The following UBAC2 variants were observed in gnomAD, a reference collection of about 807,000 sequenced individuals.
The protein encoded by UBAC2 is UBA domain containing 2.
Under a neutral mutation model 44.0 loss-of-function variants are expected in UBAC2, and 26 were observed. The observed-to-expected ratio is 0.59, with a 90% CI of 0.43 to 0.82. The LOEUF is 0.82. UBAC2 is among the 40% of genes least tolerant of loss of function. The probability of loss-of-function intolerance (pLI) is 0.00; values close to 1 mark genes in which losing one functional copy is unlikely to be tolerated. For missense variants in UBAC2, 329 were observed against 419.4 expected (o/e 0.78, Z 1.88); for synonymous variants, 155 against 154.3 (o/e 1.00, Z -0.04).
At chr13:99,238,218 C>T (rs754514134) in intron 1 of UBAC2, among the ~76,000 whole-genome samples, 3 of 152,168 alleles carry the variant, frequency 2.0e-5, no homozygotes, top group Non-Finnish European at 2.9e-5. Flanking sequence ...TGAAGCCCTG[C>T]TAGGGCATTC....
rs77720066 is a variant in UBAC2 at position 99,350,941 on chromosome 13, C to A, written c.807+10376C>A. Among the ~76,000 whole-genome samples the A allele has an allele frequency of 1.9e-3, 289 of 152,198 alleles. 1 individual carries two copies. The highest frequency in any genetic ancestry group is 6.6e-3 in the African/African-American group (274 of 41,496). ...AGCACTGCTTGGGGTATGAAGCCCC[C>A]CAGCACATCTGGTGTCAGAATATTG... On this transcript the variant is annotated intron_variant, in intron 7 of 8. Coordinates refer to ENST00000403766, the MANE Select transcript of UBAC2 (RefSeq NM_001144072.2).
At chr13:99,201,510 A>G (rs1593984767) in intron 1 of UBAC2, 2 of 1,614,154 alleles carry the variant, frequency 1.2e-6, no homozygotes, top group Non-Finnish European at 1.7e-6. Flanking sequence ...GTGGCGAGGG[A>G]GCGCAGCTGT....
At chr13:99,300,186 A>ATCATTGAGCTCT (rs1297244098) in intron 4 of UBAC2, among the ~76,000 whole-genome samples, 1 of 152,228 alleles carries the variant, frequency 6.6e-6, no homozygotes, top group Admixed American at 6.5e-5. Flanking sequence ...GTGGCCACAC[A>ATCATTGAGCTCT]TCATTGAGCT....
chr13:99,213,656 G>A (rs977534937), intron 1 of UBAC2, among the ~76,000 whole-genome samples: 4 of 151,972 alleles, frequency 2.6e-5, no homozygotes, highest in Admixed American at 1.3e-4. Context: ...CACTGCACCC[G>A]GTCGATTATA....
At chr13:99,285,389 T>C (rs1242409934) in intron 4 of UBAC2, among the ~76,000 whole-genome samples, 1 of 151,650 alleles carries the variant, frequency 6.6e-6, no homozygotes, top group East Asian at 1.9e-4. Flanking sequence ...TTATTACCTT[T>C]CTTCTTTTTT....
At chr13:99,355,719 A>G (rs1022972289) in intron 7 of UBAC2, among the ~76,000 whole-genome samples, 2 of 152,260 alleles carry the variant, frequency 1.3e-5, no homozygotes, top group Non-Finnish European at 2.9e-5. Context: ...AACAAACGAG[A>G]GCCAGGACGC....
chr13:99,242,340 C>A (rs1314232668), intron 2 of UBAC2, among the ~76,000 whole-genome samples: 73 of 149,044 alleles, frequency 4.9e-4, no homozygotes, highest in Admixed American at 2.0e-4. Flanking sequence ...CTGACCCCCC[C>A]ACCTCCCTCC....
intron 4 of UBAC2, among the ~76,000 whole-genome samples, chr13:99,264,552 A>C (rs1351122152): frequency 1.3e-5 from 2 of 152,034 alleles, no homozygotes; most frequent in African/African-American, 4.8e-5. Context: ...CTGGGACTGG[A>C]TAGCTGTGCA....
chr13:99,332,376 T>C (rs1290191212), intron 6 of UBAC2, among the ~76,000 whole-genome samples: 1 of 152,220 alleles, frequency 6.6e-6, no homozygotes, highest in African/African-American at 2.4e-5. Flanking sequence ...ATTCCCTTCC[T>C]AAAAGGATGA....
intron 7 of UBAC2, among the ~76,000 whole-genome samples, chr13:99,352,767 G>A (rs561266974): frequency 3.8e-4 from 57 of 151,966 alleles, no homozygotes; most frequent in African/African-American, 1.3e-3. Context: ...AGTAGAAAGC[G>A]TCAGTTACAG....
chr13:99,328,026 C>T (rs551864052), intron 6 of UBAC2, among the ~76,000 whole-genome samples: 9 of 152,222 alleles, frequency 5.9e-5, no homozygotes, highest in Non-Finnish European at 1.0e-4. Flanking sequence ...AGCTGCCAGC[C>T]GCAGGTAACC....
chr13:99,295,589 T>G lies in UBAC2; in HGVS notation c.390-18508T>G, dbSNP rs760739327. 6.2e-7 allele frequency: 1 copy of G among 1,614,070 alleles called. No individual in the cohort carries two copies. Among genetic ancestry groups the G allele is most frequent in the South Asian group, 1.1e-5 (1 of 91,088 alleles). On this transcript the variant is annotated intron_variant, in intron 4 of 8. Coordinates refer to ENST00000403766, the MANE Select transcript of UBAC2 (RefSeq NM_001144072.2). This position sits in a 1 kb window ranked among gnomAD's most constrained non-coding sequence, Gnocchi z 4.1. ...GGGAAGAGATTTAGTTTCTTCAAAG[T>G]TTGGATACTCCATGCATGTAATCCT...
chr13:99,270,840 A>G (rs1046432840), intron 4 of UBAC2, among the ~76,000 whole-genome samples: 10 of 152,238 alleles, frequency 6.6e-5, no homozygotes, highest in African/African-American at 2.4e-4. Context: ...GAATTTCCAA[A>G]GTGAGGAAGA....
chr13:99,351,844 G>C (rs745748389), intron 7 of UBAC2: 57 of 445,162 alleles, frequency 1.3e-4, no homozygotes, highest in Non-Finnish European at 3.2e-5. Context: ...TGGGCTGCCC[G>C]GTGTTAACTG....
At chr13:99,335,136 G>A (rs571599013) in intron 6 of UBAC2, among the ~76,000 whole-genome samples, 1 of 152,180 alleles carries the variant, frequency 6.6e-6, no homozygotes, top group African/African-American at 2.4e-5. Context: ...GCTAATGGGA[G>A]CAATGAACAA....
chr13:99,358,079 G>A (rs1038049264), intron 7 of UBAC2, among the ~76,000 whole-genome samples: 1 of 152,182 alleles, frequency 6.6e-6, no homozygotes, highest in African/African-American at 2.4e-5. Flanking sequence ...GGAAGGGATG[G>A]TGAGGTGTGA....
rs143528211 is a variant in UBAC2, at chr13:99,230,801, A to G, written c.32-7626A>G. Among the ~76,000 whole-genome samples the G allele has an allele frequency of 7.4e-3, 1,124 of 152,206 alleles. 10 individuals are homozygous for G. The highest frequency in any genetic ancestry group is 0.057 in the South Asian group (275 of 4,824). ...TGCAGCGGCTCACGCTTGTAATCCT[A>G]GCGCTTTGGGAGGCCGAGGCGGGTG... On this transcript the variant is annotated intron_variant, in intron 1 of 8. Transcript: ENST00000403766.
chr13:99,277,528 A>T (rs1473440024), intron 4 of UBAC2, among the ~76,000 whole-genome samples: 1 of 152,246 alleles, frequency 6.6e-6, no homozygotes, highest in Non-Finnish European at 1.5e-5. Flanking sequence ...TCCATCTCAA[A>T]AAATAAATAA....
At position 99,295,335 on chromosome 13, in the gene UBAC2, T is replaced by C; in HGVS notation, c.390-18762T>C. 1 of 1,614,060 alleles carries C rather than the reference T, an allele frequency of 6.2e-7. No homozygotes were observed. Among genetic ancestry groups the C allele is most frequent in the Non-Finnish European group, 8.5e-7 (1 of 1,179,970 alleles). On this transcript the variant is annotated intron_variant, in intron 4 of 8. Coordinates refer to ENST00000403766, the MANE Select transcript of UBAC2 (RefSeq NM_001144072.2). This position sits in a 1 kb window ranked among gnomAD's most constrained non-coding sequence, Gnocchi z 4.1. ...TCCAGGAAATTAGAGAAACGAAGCT[T>C]CTTAATCATATGTTGAATAATTGCA...
Sources: allele counts gnomAD v4.1 joint callset (sites outside exome capture counted in the v4.1 genomes callset), GRCh38; gene constraint gnomAD v4.1.1; non-coding constraint Gnocchi (gnomAD v3.1); transcripts MANE v1.5; gene names NCBI Gene and HGNC (gene_info 2026-07-23, HGNC 2026-07-21).